Variants in ZNF804B observed in about 807,000 individuals in gnomAD.
ZNF804B encodes the protein zinc finger 804B.
In ZNF804B, 80 loss-of-function variants were observed where a neutral mutation model predicts 101.4. The observed-to-expected ratio is 0.79, with a 90% confidence interval of 0.66 to 0.95. The LOEUF (loss-of-function observed/expected upper bound fraction) is 0.95, where lower values mean the gene tolerates loss of function less well. Ranked by LOEUF, ZNF804B falls within the 40% of genes least tolerant of loss-of-function variation. The pLI is 0.00. For synonymous variants in ZNF804B, 622 were observed against 558.8 expected (o/e 1.11, Z -1.59); for missense variants, 1,673 against 1,561.9 (o/e 1.07, Z -1.20).
chr7:89,311,377 C>T (rs993129802), intron 2 of ZNF804B, among the ~76,000 whole-genome samples: 4 of 152,128 alleles, frequency 2.6e-5, no homozygotes, highest in African/African-American at 9.7e-5. Context: ...AATGCTGCTG[C>T]ATGAGAAAGT....
intron 2 of ZNF804B, among the ~76,000 whole-genome samples, chr7:89,249,858 T>C (rs1789512639): frequency 6.6e-6 from 1 of 152,090 alleles, no homozygotes; most frequent in Admixed American, 6.6e-5. Flanking sequence ...GTTGGGTCTC[T>C]GAAGAATAAG....
chr7:89,121,246 A>G (rs910509678), intron 1 of ZNF804B, among the ~76,000 whole-genome samples: 2 of 152,168 alleles, frequency 1.3e-5, no homozygotes, highest in Admixed American at 6.6e-5. Context: ...TTGACTTTCT[A>G]TTGGGTTGGA....
intron 2 of ZNF804B, among the ~76,000 whole-genome samples, chr7:89,243,401 G>A (rs946463689): frequency 6.6e-6 from 1 of 151,718 alleles, no homozygotes; most frequent in Non-Finnish European, 1.5e-5. Context: ...TATTTGTAGT[G>A]TTGCTATTTT....
chr7:88,765,366 TAAAAG>T (rs1337569198), intron 1 of ZNF804B, among the ~76,000 whole-genome samples: 3 of 152,108 alleles, frequency 2.0e-5, no homozygotes, highest in Non-Finnish European at 4.4e-5. Context: ...ATTTGTGACT[TAAAAG>T]AAAACATAAT....
intron 1 of ZNF804B, among the ~76,000 whole-genome samples, chr7:88,954,350 C>T (rs1406125138): frequency 6.6e-6 from 1 of 151,542 alleles, no homozygotes; most frequent in Non-Finnish European, 1.5e-5. Context: ...TACTGTTACT[C>T]TTAAAATAAT....
intron 1 of ZNF804B, among the ~76,000 whole-genome samples, chr7:89,118,651 C>A (rs923723402): frequency 1.3e-5 from 2 of 152,154 alleles, no homozygotes; most frequent in Non-Finnish European, 1.5e-5. Context: ...TTCCTTTGAC[C>A]TTACCTTGAA....
intron 2 of ZNF804B, among the ~76,000 whole-genome samples, chr7:89,302,860 A>G (rs1408829470): frequency 6.6e-6 from 1 of 151,958 alleles, no homozygotes; most frequent in African/African-American, 2.4e-5. Flanking sequence ...AGCAGCAGTA[A>G]CAACCTGATG....
intron 2 of ZNF804B, among the ~76,000 whole-genome samples, chr7:89,227,718 T>C (rs948689095): frequency 1.3e-5 from 2 of 151,440 alleles, no homozygotes; most frequent in African/African-American, 4.9e-5. Context: ...AGAGAGAGAG[T>C]GTTCCACACA....
At chr7:89,063,285 G>A (rs1789404698) in intron 1 of ZNF804B, among the ~76,000 whole-genome samples, 1 of 152,080 alleles carries the variant, frequency 6.6e-6, no homozygotes, top group Non-Finnish European at 1.5e-5. Context: ...CTGATGCTGT[G>A]CAAGACTTGG....
intron 1 of ZNF804B, among the ~76,000 whole-genome samples, chr7:88,882,403 G>A (rs1792056624): frequency 6.6e-6 from 1 of 152,086 alleles, no homozygotes; most frequent in Non-Finnish European, 1.5e-5. Context: ...GAGAAAAGGG[G>A]ACGCTTATAC....
rs566454252 is a variant in ZNF804B at position 88,956,399 on chromosome 7, TAAAAG to T, written c.108+196320_108+196324del. 1.5e-3 allele frequency among the ~76,000 whole-genome samples: 228 copies of T among 151,620 alleles called. 1 individual carries two copies. The highest frequency in any genetic ancestry group is 5.0e-3 in the African/African-American group (209 of 41,500). On this transcript the variant is annotated intron_variant, in intron 1 of 3. Transcript: ENST00000333190. Reference sequence around the variant, plus strand: ...ATTGTTAATTGCACACATACATAAATAAAAGAAAATTTCAAAAACATGGTTTATGT... The same window carrying T: ...ATTGTTAATTGCACACATACATAAATAAAATTTCAAAAACATGGTTTATGT...
At chr7:88,784,491 T>C (rs1244187655) in intron 1 of ZNF804B, among the ~76,000 whole-genome samples, 1 of 152,148 alleles carries the variant, frequency 6.6e-6, no homozygotes, top group African/African-American at 2.4e-5. Flanking sequence ...CAATTGGACA[T>C]TGAATCTCAC....
At chr7:89,286,755 T>C (rs1179933282) in intron 2 of ZNF804B, among the ~76,000 whole-genome samples, 1 of 152,180 alleles carries the variant, frequency 6.6e-6, no homozygotes, top group Non-Finnish European at 1.5e-5. Flanking sequence ...AAGACCACTT[T>C]TGTGACATGG....
intron 1 of ZNF804B, among the ~76,000 whole-genome samples, chr7:88,948,637 A>G (rs1793173260): frequency 6.6e-6 from 1 of 151,790 alleles, no homozygotes; most frequent in Non-Finnish European, 1.5e-5. Flanking sequence ...GCCCTGCCTA[A>G]ATAGACCTCT....
At chr7:89,333,287 C>A in intron 3 of ZNF804B, 76 bp from the exon 4 acceptor site, 1 of 1,329,618 alleles carries the variant, frequency 7.5e-7, no homozygotes, top group Non-Finnish European at 1.0e-6. Flanking sequence ...ATCTTAGAAA[C>A]ACTATGAAAT....
chr7:89,298,216 G>GTATATATATATATATATA (rs1171165341), intron 2 of ZNF804B, among the ~76,000 whole-genome samples: 5 of 27,524 alleles, frequency 1.8e-4, no homozygotes, highest in Non-Finnish European at 2.4e-4. Context: ...GTGTGTGTGT[G>GTATATATATATATATATA]TATATATATA....
intron 1 of ZNF804B, among the ~76,000 whole-genome samples, chr7:89,040,420 T>A (rs2116247511): frequency 6.6e-6 from 1 of 152,248 alleles, no homozygotes; most frequent in Admixed American, 6.5e-5. Context: ...ATTTTTCAGT[T>A]TAATTATTGT....
At chr7:88,968,334 C>T (rs894513051) in intron 1 of ZNF804B, among the ~76,000 whole-genome samples, 3 of 151,464 alleles carry the variant, frequency 2.0e-5, no homozygotes, top group Admixed American at 6.6e-5. Context: ...TTCCCTGATA[C>T]GGAAAACCCT....
intron 1 of ZNF804B, among the ~76,000 whole-genome samples, chr7:89,094,619 A>G (rs747766881): frequency 1.6e-4 from 24 of 151,556 alleles, no homozygotes; most frequent in Non-Finnish European, 2.4e-4. Flanking sequence ...ATTGATGGAA[A>G]CTCTTCTCCT....
Sources: gnomAD v4.1 joint callset for allele counts (sites outside exome capture counted in the v4.1 genomes callset) on GRCh38, gnomAD v4.1.1 for gene constraint, MANE v1.5 for transcripts, NCBI Gene and HGNC (gene_info 2026-07-23, HGNC 2026-07-21) for gene names.